Variants in SETDB2 observed in about 807,000 individuals in gnomAD.
The protein encoded by SETDB2 is SET domain bifurcated histone lysine methyltransferase 2, also known as histone-lysine N-methyltransferase SETDB2.
In SETDB2, 56 loss-of-function variants were observed where a neutral mutation model predicts 82.5. The ratio of observed to expected loss-of-function variants is 0.68; its 90% CI spans 0.55 to 0.85. The LOEUF (loss-of-function observed/expected upper bound fraction) is 0.85, where lower values mean the gene tolerates loss of function less well. Among genes scored for constraint, SETDB2 ranks in the 40% least tolerant of loss-of-function variants. The pLI, the probability that SETDB2 is intolerant of heterozygous loss-of-function variation, is 0.00. For missense variants in SETDB2, 677 were observed against 816.4 expected (o/e 0.83, Z 2.08); for synonymous variants, 272 against 284.9 (o/e 0.95, Z 0.46).
At chr13:49,487,356 G>C (rs1436801678) in intron 11 of SETDB2, among the ~76,000 whole-genome samples, 2 of 151,680 alleles carry the variant, frequency 1.3e-5, no homozygotes, top group Non-Finnish European at 2.9e-5. Flanking sequence ...TTTAAAGAGA[G>C]ACAGCGACTC....
chr13:49,491,350 G>A (rs1423078849), intron 13 of SETDB2, among the ~76,000 whole-genome samples: 2 of 152,196 alleles, frequency 1.3e-5, no homozygotes, highest in Non-Finnish European at 2.9e-5. Flanking sequence ...TAGAATGAAT[G>A]CCTGAAAGGG....
rs1288692615 is a variant in SETDB2 at position 49,451,900 on chromosome 13, GA to G, written c.14del (p.Asn5MetfsTer11). 3.8e-6 allele frequency: 6 copies of G among 1,591,600 alleles called. No homozygotes were observed. The highest frequency in any genetic ancestry group is 2.3e-5 in the East Asian group (1 of 43,992). ...TTATAAGCGACATCAAAAGATGGGA[GA>G]AAAAAATGGTAGGTTGAAGAACACA... The part of the protein sequence containing the change: MG[E>X]KNGDAKTFWM... On this transcript the variant is annotated frameshift_variant, in exon 2 of 14. Coordinates refer to ENST00000611815, the MANE Select transcript of SETDB2 (RefSeq NM_001160308.3). LOFTEE classifies it high-confidence loss of function.
Position 49,477,032 on chromosome 13 carries a change from A to G in SETDB2, c.862A>G (p.Ile288Val), listed in dbSNP as rs553999476. ...TTCCTGTGACTGCTCTGAGGGCTGCATAGACATGTGAGTAGAAAAACATGG... is the reference window on the plus strand; with the variant it reads ...TTCCTGTGACTGCTCTGAGGGCTGCGTAGACATGTGAGTAGAAAAACATGG... ...TDSCDCSEGC[I>V]DITKCACLQL... Residue 288 changes from isoleucine to valine, a missense_variant, in exon 6 of 14, where the codon ATA becomes GTA. Transcript: ENST00000611815. The G allele has an allele frequency of 5.1e-6, 8 of 1,580,690 alleles. No homozygotes were observed. Among genetic ancestry groups the G allele is most frequent in the Admixed American group, 1.9e-5 (1 of 52,542 alleles).
rs1433140690 is a variant in SETDB2 at position 49,494,439 on chromosome 13, A to C, written c.*2590A>C. On this transcript the variant is annotated 3_prime_UTR_variant, in exon 14 of 14. Coordinates refer to ENST00000611815, the MANE Select transcript of SETDB2 (RefSeq NM_001160308.3). Reference sequence around the variant, plus strand: ...CACATTATAGGCTTTCCTCAGAGTTAATGGTCTTGGTAGTCTACTCATATT... The same window carrying C: ...CACATTATAGGCTTTCCTCAGAGTTCATGGTCTTGGTAGTCTACTCATATT... 3 of 152,084 alleles carry C rather than the reference A, an allele frequency of 2.0e-5. No homozygotes were observed. The highest frequency in any genetic ancestry group is 4.4e-5 in the Non-Finnish European group (3 of 68,018). The allele number at this position is 152,084 out of a possible 1,614,324, so 9.4% of individuals were successfully genotyped here. A position where few individuals can be genotyped will look rare whatever the true frequency, so the allele number is the denominator to read the frequency against.
chr13:49,470,080 A>T (rs1958196716), intron 5 of SETDB2, among the ~76,000 whole-genome samples: 1 of 152,172 alleles, frequency 6.6e-6, no homozygotes, highest in African/African-American at 2.4e-5. Context: ...GCGTATTCAT[A>T]ATTAGCTGTC....
chr13:49,479,706 A>G (rs1279866280), intron 6 of SETDB2, among the ~76,000 whole-genome samples: 1 of 152,174 alleles, frequency 6.6e-6, no homozygotes, highest in African/African-American at 2.4e-5. Context: ...AGGGGAAAGT[A>G]CATGAAGTTT....
chr13:49,481,201 G>A, intron 8 of SETDB2, 85 bp downstream of exon 8: 14 of 1,278,780 alleles, frequency 1.1e-5, no homozygotes, highest in Non-Finnish European at 1.5e-5. Flanking sequence ...GCTGTTGAGA[G>A]CTTACAGCAA....
chr13:49,449,520 G>A (rs1957750383), intron 1 of SETDB2, among the ~76,000 whole-genome samples: 1 of 152,070 alleles, frequency 6.6e-6, no homozygotes, highest in Non-Finnish European at 1.5e-5. Flanking sequence ...CAAAGCGCTG[G>A]CATCACTTTT....
At chr13:49,491,659 A>G (rs1309795686) in intron 13 of SETDB2, 73 bp from the exon 14 acceptor site, 1 of 1,011,806 alleles carries the variant, frequency 9.9e-7, no homozygotes, top group African/African-American at 1.6e-5. Context: ...GTTAATATGA[A>G]AATTGATATA....
chr13:49,449,850 G>A (rs190353915), intron 1 of SETDB2, among the ~76,000 whole-genome samples: 5 of 152,164 alleles, frequency 3.3e-5, no homozygotes, highest in African/African-American at 7.2e-5. Flanking sequence ...CTATTGCTAC[G>A]TATACCTCAG....
intron 6 of SETDB2, among the ~76,000 whole-genome samples, chr13:49,478,748 G>A (rs181359176): frequency 5.5e-4 from 83 of 152,164 alleles, no homozygotes; most frequent in Non-Finnish European, 1.1e-3. Context: ...GCAACCTAGC[G>A]AAACCCCATC....
Position 49,485,685 on chromosome 13 carries a change from C to G in SETDB2, c.1538C>G (p.Pro513Arg). Residue 513 changes from proline to arginine, a missense_variant, in exon 11 of 14, where the codon CCC (proline) becomes CGC (arginine). Physicochemically the swap from Pro to Arg is moderately radical, Grantham distance 103. Coordinates refer to ENST00000611815, the MANE Select transcript of SETDB2 (RefSeq NM_001160308.3). ...GAAGATAATGATGGATTTAAACCAC[C>G]CCGAGAGCATCTGAACTCTAAAACC... ...TPEDNDGFKPPREHLNSKTKG... is the reference protein window; with the variant it reads ...TPEDNDGFKPRREHLNSKTKG... 1.2e-6 allele frequency: 2 copies of G among 1,613,874 alleles called. No individual in the cohort carries two copies. Among genetic ancestry groups the G allele is most frequent in the Non-Finnish European group, 1.7e-6 (2 of 1,179,972 alleles).
At position 49,451,791 on chromosome 13, in the gene SETDB2, A is replaced by G. The variant is rs1957790446; in HGVS notation, c.-103A>G. On this transcript the variant is annotated 5_prime_UTR_variant, in exon 2 of 14. Transcript: ENST00000611815. ...TGATGTATTTTGTCTGAGGACTGCA[A>G]ATTTTATAGAGACCACAGTTGGATT... 29 of 879,542 alleles carry G rather than the reference A, an allele frequency of 3.3e-5. 1 individual carries two copies. The South Asian group carries it at 5.1e-4, about 16-fold the overall frequency. The allele number at this position is 879,542 out of a possible 1,614,324, so 54.5% of individuals were successfully genotyped here. A position where few individuals can be genotyped will look rare whatever the true frequency, so the allele number is the denominator to read the frequency against.
intron 5 of SETDB2, among the ~76,000 whole-genome samples, chr13:49,475,761 T>A (rs1016993998): frequency 6.6e-6 from 1 of 152,126 alleles, no homozygotes; most frequent in African/African-American, 2.4e-5. Flanking sequence ...GTGCTGGGAT[T>A]ACAGTTGTGA....
intron 1 of SETDB2, among the ~76,000 whole-genome samples, chr13:49,449,930 A>G (rs1382579709): frequency 6.6e-6 from 1 of 152,126 alleles, no homozygotes; most frequent in Non-Finnish European, 1.5e-5. Flanking sequence ...TGACTCTTTG[A>G]ATGTCTGCAA....
At chr13:49,471,934 A>ATATATATATATATTTT (rs1378783393) in intron 5 of SETDB2, among the ~76,000 whole-genome samples, 1 of 119,258 alleles carries the variant, frequency 8.4e-6, no homozygotes, top group South Asian at 2.9e-4. Context: ...ATATATATAT[A>ATATATATATATATTTT]TTTTTTTTTT....
intron 2 of SETDB2, among the ~76,000 whole-genome samples, chr13:49,453,999 C>T (rs1327628390): frequency 2.6e-5 from 4 of 152,116 alleles, no homozygotes; most frequent in Non-Finnish European, 5.9e-5. Context: ...TCTATTACCA[C>T]GTGGATCATT....
At chr13:49,467,411 A>G (rs150724703) in intron 4 of SETDB2, among the ~76,000 whole-genome samples, 1 of 151,956 alleles carries the variant, frequency 6.6e-6, no homozygotes, top group East Asian at 1.9e-4. Context: ...AAAAAAAGAA[A>G]TGTGAACAAC....
chr13:49,480,064 G>C (rs1363221042), intron 6 of SETDB2, among the ~76,000 whole-genome samples, 155 bp from the exon 7 acceptor site: 1 of 152,158 alleles, frequency 6.6e-6, no homozygotes, highest in Non-Finnish European at 1.5e-5. Flanking sequence ...CTTTCAAAGA[G>C]ATCTATTTAG....
Sources: allele counts gnomAD v4.1 joint callset (sites outside exome capture counted in the v4.1 genomes callset), GRCh38; gene constraint gnomAD v4.1.1; transcripts MANE v1.5; gene names NCBI Gene and HGNC (gene_info 2026-07-23, HGNC 2026-07-21).